SPTAN1: variants seen among roughly 807,000 people sequenced by gnomAD.
SPTAN1 encodes spectrin alpha chain, non-erythrocytic 1.
A neutral mutation model predicts 331.3 loss-of-function variants in SPTAN1; 61 were observed. The ratio of observed to expected loss-of-function variants is 0.18; its 90% CI spans 0.15 to 0.23. SPTAN1 has a LOEUF of 0.23. SPTAN1 is among the 10% of genes least tolerant of loss of function. SPTAN1 has a pLI of 1.00. For missense variants in SPTAN1, 2,043 were observed against 3,147.9 expected (o/e 0.65, Z 8.40); for synonymous variants, 1,153 against 1,173.9 (o/e 0.98, Z 0.36).
intron 40 of SPTAN1, 35 bp from the exon 41 acceptor site, chr9:128,615,597 C>G (rs1183536682): frequency 6.2e-7 from 1 of 1,610,532 alleles, no homozygotes; most frequent in Non-Finnish European, 8.5e-7. Context: ...CTGTGGGAGA[C>G]CCAGTTTCTG....
At chr9:128,608,340 T>C in intron 34 of SPTAN1, 64 bp downstream of exon 34, 1 of 1,599,676 alleles carries the variant, frequency 6.3e-7, no homozygotes, top group African/African-American at 1.3e-5. Flanking sequence ...GTTTCTTGGC[T>C]TATATAGTCA....
Position 128,587,589 on chromosome 9 carries a change from T to C in SPTAN1, c.2779-17T>C. On this transcript the variant is annotated splice_polypyrimidine_tract_variant and intron_variant, in intron 19 of 56. Transcript: ENST00000372739. ...TTCAGCCCCTGCACAGTGCTCCATG[T>C]GTGGTTTTGGTTTCAGGCTCTACTG... 1 of 1,611,688 alleles carries C rather than the reference T, an allele frequency of 6.2e-7. No homozygotes were observed. The highest frequency in any genetic ancestry group is 8.5e-7 in the Non-Finnish European group (1 of 1,178,602).
chr9:128,599,721 C>A, intron 26 of SPTAN1: 2 of 195,260 alleles, frequency 1.0e-5, no homozygotes, highest in East Asian at 1.3e-4. Flanking sequence ...TCTGTCTCTT[C>A]AGTTTTCTAA....
Position 128,585,776 on chromosome 9 carries a change from C to G in SPTAN1, c.2589C>G (p.Ala863=), listed in dbSNP as rs528752928. 8.7e-6 allele frequency: 14 copies of G among 1,614,166 alleles called. No homozygotes were observed. In the East Asian group the frequency reaches 3.1e-4, roughly 36 times the overall value. ...EGHFAAEDVK[A]KLHELNQKWE... ...ATTTTGCTGCAGAGGATGTGAAGGC[C>G]AAGCTTCACGAGCTGAACCAAAAGT... The change falls in exon 19 of 57, where the codon GCC becomes GCG. Residue 863 remains alanine, a synonymous_variant. Transcript: ENST00000372739.
In SPTAN1 at chr9:128,627,163, C is replaced by A; in HGVS notation, c.6577-223C>A. ...GCAACTCCCTGCTTGACTGACCAGT[C>A]GCTTCCCTCCAGGTCCGCCTCTTCC... On this transcript the variant is annotated intron_variant, in intron 49 of 56. Coordinates refer to ENST00000372739, the MANE Select transcript of SPTAN1 (RefSeq NM_001130438.3). The surrounding 1 kb of genome is among the most constrained non-coding windows in gnomAD (Gnocchi z 4.9). 2 of 632,554 alleles carry A rather than the reference C, an allele frequency of 3.2e-6. No homozygotes were observed. The highest frequency in any genetic ancestry group is 5.8e-6 in the Non-Finnish European group (2 of 343,454). The allele number at this position is 632,554 out of a possible 1,614,324, so 39.2% of individuals were successfully genotyped here.
At chr9:128,583,691 C>T in intron 15 of SPTAN1, 97 bp from the exon 16 acceptor site, 1 of 1,289,810 alleles carries the variant, frequency 7.8e-7, no homozygotes, top group Middle Eastern at 1.8e-4. Context: ...AAAATTCTGA[C>T]CTGTATAGTC....
chr9:128,590,514 G>A (rs1853329378), intron 21 of SPTAN1, among the ~76,000 whole-genome samples: 1 of 149,054 alleles, frequency 6.7e-6, no homozygotes, highest in South Asian at 2.2e-4. Context: ...GACCAACCTG[G>A]GGCACATAGC....
At chr9:128,618,641 G>A (rs550202632) in intron 43 of SPTAN1, among the ~76,000 whole-genome samples, 1 of 152,118 alleles carries the variant, frequency 6.6e-6, no homozygotes, top group South Asian at 2.1e-4. Flanking sequence ...CCGCCACCAA[G>A]CCCAGCTAAT....
chr9:128,594,138 T>G (rs772575290), intron 23 of SPTAN1, 37 bp from the exon 24 acceptor site: 2 of 1,611,132 alleles, frequency 1.2e-6, no homozygotes, highest in Admixed American at 1.7e-5. Context: ...CTAACTGCCT[T>G]CCTTGTCCCT....
At position 128,627,274 on chromosome 9, in the gene SPTAN1, T is replaced by G. The variant is rs779164586; in HGVS notation, c.6577-112T>G. 4.4e-6 allele frequency: 4 copies of G among 906,636 alleles called. No individual in the cohort carries two copies. The highest frequency in any genetic ancestry group is 6.9e-6 in the Non-Finnish European group (4 of 575,566). 56.2% of individuals were successfully genotyped at this position (906,636 alleles called of 1,614,324 possible). On this transcript the variant is annotated intron_variant, in intron 49 of 56. Coordinates refer to ENST00000372739, the MANE Select transcript of SPTAN1 (RefSeq NM_001130438.3). This position sits in a 1 kb window ranked among gnomAD's most constrained non-coding sequence, Gnocchi z 4.9. ...TGTCTCCCAGCCTCCTCCTCTCATC[T>G]TTGGGGAGGTTCCTTGTGGGGAGGC... is the stretch of plus-strand genomic sequence containing the variant.
chr9:128,573,411 G>T (rs575132798), intron 3 of SPTAN1, among the ~76,000 whole-genome samples: 10 of 152,188 alleles, frequency 6.6e-5, no homozygotes, highest in African/African-American at 2.4e-4. Context: ...TTTCTATCAG[G>T]GATCCTTTTT....
At chr9:128,589,969 T>A (rs536499425) in intron 21 of SPTAN1, among the ~76,000 whole-genome samples, 1 of 152,180 alleles carries the variant, frequency 6.6e-6, no homozygotes, top group African/African-American at 2.4e-5. Context: ...TTTGTCTTCT[T>A]TAGGCTAAAT....
chr9:128,581,832 G>A lies in SPTAN1; in HGVS notation c.1512G>A (p.Ala504=), dbSNP rs141424626. Residue 504 remains alanine (A), a synonymous_variant, in exon 12 of 57, where the codon GCG becomes GCA. Coordinates refer to ENST00000372739, the MANE Select transcript of SPTAN1 (RefSeq NM_001130438.3). ...GAGATTCCTTGGATAGTGTGGAAGC[G>A]CTTCTTAAGAAGCACGAAGACTTTG... ...DLGDSLDSVE[A]LLKKHEDFEK... 2.2e-5 allele frequency: 35 copies of A among 1,614,116 alleles called. 1 individual carries two copies. The highest frequency in any genetic ancestry group is 2.1e-4 in the African/African-American group (16 of 75,042).
chr9:128,630,015 A>G (rs2132039927), intron 51 of SPTAN1: 1 of 496,698 alleles, frequency 2.0e-6, no homozygotes, highest in Non-Finnish European at 3.8e-6. Context: ...GCCTGCAGCC[A>G]CCCTGCACCC....
At position 128,584,449 on chromosome 9, in the gene SPTAN1, G is replaced by A. The variant is rs376861805; in HGVS notation, c.2361G>A (p.Gln787=). 1.2e-6 allele frequency: 2 copies of A among 1,614,162 alleles called. No homozygotes were observed. The highest frequency in any genetic ancestry group is 8.5e-7 in the Non-Finnish European group (1 of 1,180,026). Residue 787 remains glutamine, a synonymous_variant, in exon 17 of 57, where the codon CAG becomes CAA. Transcript: ENST00000372739. ...AGCTGGCCGATTCTCTGCGGTTGCA[G>A]CAGCTCTTCCGGGATGTTGAGGATG... The part of the protein sequence containing the change: ...KQKLADSLRL[Q]QLFRDVEDEE...
Position 128,627,481 on chromosome 9 carries a change from G to A in SPTAN1, c.6672G>A (p.Gln2224=). Residue 2224 remains glutamine (Q), a synonymous_variant, in exon 50 of 57, where the codon CAG becomes CAA. Coordinates refer to ENST00000372739, the MANE Select transcript of SPTAN1 (RefSeq NM_001130438.3). The surrounding 1 kb of genome is among the most constrained non-coding windows in gnomAD (Gnocchi z 4.9). ...EFAQHANAFH[Q]WIQETRTYLL... The stretch of plus-strand genomic sequence containing the variant: ...CCCAGCACGCCAACGCCTTCCACCA[G>A]TGGATCCAAGAGACCAGGTGCCAGC... 6.4e-7 allele frequency: 1 copy of A among 1,551,210 alleles called. No individual in the cohort carries two copies. Among genetic ancestry groups the A allele is most frequent in the Non-Finnish European group, 8.7e-7 (1 of 1,147,074 alleles).
Position 128,632,112 on chromosome 9 carries a change from TC to T in SPTAN1, c.6763-11del, listed in dbSNP as rs1242521066. ...AGGGCCCCCGTCTGAGCATCTGTGC[TC>T]CCCACCCCTGCAGCGCAAGCACCAG... On this transcript the variant is annotated splice_polypyrimidine_tract_variant and intron_variant, in intron 52 of 56. Coordinates refer to ENST00000372739, the MANE Select transcript of SPTAN1 (RefSeq NM_001130438.3). 2.5e-6 allele frequency: 4 copies of T among 1,611,998 alleles called. No homozygotes were observed. The African/African-American group carries it at 5.3e-5, about 22-fold the overall frequency.
chr9:128,608,724 C>T (rs1209465436), intron 34 of SPTAN1, 150 bp from the exon 35 acceptor site: 2 of 813,828 alleles, frequency 2.5e-6, no homozygotes, highest in East Asian at 2.4e-5. Context: ...TGGCATTTTA[C>T]ACTCTTGCTT....
chr9:128,593,394 GCT>G (rs2131347603), intron 23 of SPTAN1: 2 of 308,596 alleles, frequency 6.5e-6, no homozygotes, highest in East Asian at 1.3e-4. Context: ...CTCTTAAAGT[GCT>G]CTGATTCTTG....
Sources: gnomAD v4.1 joint callset for allele counts (sites outside exome capture counted in the v4.1 genomes callset) on GRCh38, gnomAD v4.1.1 for gene constraint, Gnocchi (gnomAD v3.1) non-coding constraint, MANE v1.5 for transcripts, NCBI Gene and HGNC (gene_info 2026-07-23, HGNC 2026-07-21) for gene names.